NIPA1: variants seen among roughly 807,000 people sequenced by gnomAD.
NIPA1 encodes magnesium transporter NIPA1.
A neutral mutation model predicts 23.9 loss-of-function variants in NIPA1; 13 were observed. The ratio of observed to expected loss-of-function variants is 0.54; its 90% CI spans 0.35 to 0.87. NIPA1 has a LOEUF of 0.87. NIPA1 is among the 40% of genes least tolerant of loss of function. The pLI, the probability that NIPA1 is intolerant of heterozygous loss-of-function variation, is 0.01. For missense variants in NIPA1, 362 were observed against 429.7 expected (o/e 0.84, Z 1.39); for synonymous variants, 234 against 202.9 (o/e 1.15, Z -1.30).
intron 4 of NIPA1, among the ~76,000 whole-genome samples, chr15:22,821,041 G>T (rs1165492478): frequency 6.0e-5 from 9 of 150,668 alleles, no homozygotes; most frequent in Non-Finnish European, 8.9e-5. Context: ...GCAGTGGCGC[G>T]ATCTCAGCTC....
intron 1 of NIPA1, among the ~76,000 whole-genome samples, chr15:22,787,834 G>C (rs1037205363): frequency 2.0e-5 from 3 of 152,196 alleles, no homozygotes; most frequent in Non-Finnish European, 4.4e-5. Flanking sequence ...CTTTCTCTGA[G>C]TGAGCCAGGC....
chr15:22,789,952 G>A (rs565881749), intron 1 of NIPA1, among the ~76,000 whole-genome samples: 139 of 152,164 alleles, frequency 9.1e-4, no homozygotes, highest in African/African-American at 3.1e-3. Flanking sequence ...ACGCTACCAT[G>A]TCCAGCTAAT....
intron 1 of NIPA1, among the ~76,000 whole-genome samples, chr15:22,788,756 T>TA (rs896507862): frequency 1.9e-4 from 29 of 149,402 alleles, no homozygotes; most frequent in African/African-American, 5.2e-4. Context: ...AGTAGCCTTT[T>TA]AAAAAAAACA....
At position 22,824,023 on chromosome 15, in the gene NIPA1, G is replaced by T. The variant is rs371993191; in HGVS notation, c.774G>T (p.Ser258=). 262 of 1,613,972 alleles carry T rather than the reference G, an allele frequency of 1.6e-4. No individual in the cohort carries two copies. The highest frequency in any genetic ancestry group is 2.0e-4 in the Non-Finnish European group (240 of 1,179,984). The change falls in exon 5 of 5, where the codon TCG becomes TCT. Residue 258 remains serine, a synonymous_variant. Coordinates refer to ENST00000337435, the MANE Select transcript of NIPA1 (RefSeq NM_144599.5). The surrounding 1 kb of genome is among the most constrained non-coding windows in gnomAD (Gnocchi z 4.1). ...INKALECFDS[S]VFGAIYYVVF... ...AGGCGCTGGAGTGCTTCGACTCCTCGGTGTTCGGGGCCATCTACTACGTCG... is the reference window on the plus strand; with the variant it reads ...AGGCGCTGGAGTGCTTCGACTCCTCTGTGTTCGGGGCCATCTACTACGTCG...
chr15:22,817,713 G>C (rs1895455193), intron 3 of NIPA1, among the ~76,000 whole-genome samples: 1 of 152,020 alleles, frequency 6.6e-6, no homozygotes, highest in South Asian at 2.1e-4. Context: ...GCTGAGGCAG[G>C]AGAATGGCGT....
chr15:22,795,259 C>T (rs369630221), intron 1 of NIPA1, among the ~76,000 whole-genome samples: 20 of 152,012 alleles, frequency 1.3e-4, no homozygotes, highest in African/African-American at 4.1e-4. Context: ...GCTTGGTTTC[C>T]TTAATGCTGT....
At chr15:22,821,800 TC>T (rs1222865069) in intron 4 of NIPA1, among the ~76,000 whole-genome samples, 1 of 152,234 alleles carries the variant, frequency 6.6e-6, no homozygotes, top group African/African-American at 2.4e-5. Flanking sequence ...AGCCAGCAGT[TC>T]CCAGCCCTCT....
At chr15:22,804,767 CTGAACTCTATTCCG>C (rs1895168854) in intron 1 of NIPA1, among the ~76,000 whole-genome samples, 1 of 152,116 alleles carries the variant, frequency 6.6e-6, no homozygotes, top group Admixed American at 6.6e-5. Flanking sequence ...GGACCGATTT[CTGAACTCTATTCCG>C]TTGTGTTTGT....
intron 1 of NIPA1, among the ~76,000 whole-genome samples, chr15:22,804,268 G>A (rs778756414): frequency 4.0e-5 from 6 of 151,594 alleles, no homozygotes; most frequent in Non-Finnish European, 5.9e-5. Flanking sequence ...GTGAGCCACC[G>A]CACCCAGCTG....
At chr15:22,803,607 C>T (rs1275050702) in intron 1 of NIPA1, among the ~76,000 whole-genome samples, 1 of 135,452 alleles carries the variant, frequency 7.4e-6, no homozygotes, top group African/African-American at 2.8e-5. Flanking sequence ...CCCCCTGGTT[C>T]AAGTGATTCT....
chr15:22,798,206 C>T (rs1894983104), intron 1 of NIPA1, among the ~76,000 whole-genome samples: 1 of 149,774 alleles, frequency 6.7e-6, no homozygotes, highest in African/African-American at 2.5e-5. Context: ...CACCACCTAT[C>T]AGATGTTCTA....
chr15:22,817,319 G>A (rs1474588090), intron 3 of NIPA1, among the ~76,000 whole-genome samples: 1 of 150,606 alleles, frequency 6.6e-6, no homozygotes, highest in Non-Finnish European at 1.5e-5. Flanking sequence ...GACCAACGTG[G>A]TGAAACCCCG....
At chr15:22,786,590 T>G (rs1894702908), upstream of NIPA1, 105 of 473,964 alleles carry the variant, frequency 2.2e-4, no homozygotes, top group Middle Eastern at 1.1e-3. Flanking sequence ...CGCCTCCCGG[T>G]CACCCCCCAT....
rs1566786330 is a variant in NIPA1 at position 22,816,485 on chromosome 15, C to CTTTTT, written c.318-3828_318-3827insTTTTT. Among the ~76,000 whole-genome samples, 493 of 52,676 alleles carry CTTTTT rather than the reference C, an allele frequency of 9.4e-3. 2 individuals carry two copies. The highest frequency in any genetic ancestry group is 0.021 in the South Asian group (27 of 1,262). The allele number at this position is 52,676 out of a possible 152,430, so 34.6% of individuals were successfully genotyped here. A position where few individuals can be genotyped will look rare whatever the true frequency, so the allele number is the denominator to read the frequency against. ...TACAGGTGTGAGCCACCGCACCCAG[C>CTTTTT]CTTTTTTTTTTTTTTTTTTTTTTTC... On this transcript the variant is annotated intron_variant, in intron 3 of 4. Coordinates refer to ENST00000337435, the MANE Select transcript of NIPA1 (RefSeq NM_144599.5).
Position 22,795,254 on chromosome 15 carries a change from G to T in NIPA1, c.178+8420G>T, listed in dbSNP as rs1894917431. Reference sequence around the variant, plus strand: ...TTGAATGGCTCGCAGCCTGTGCTTGGTTTCCTTAATGCTGTTTCCATCAGA... The same window carrying T: ...TTGAATGGCTCGCAGCCTGTGCTTGTTTTCCTTAATGCTGTTTCCATCAGA... On this transcript the variant is annotated intron_variant, in intron 1 of 4. Transcript: ENST00000337435. Among the ~76,000 whole-genome samples, 9 of 152,034 alleles carry T rather than the reference G, an allele frequency of 5.9e-5. No homozygotes were observed. The South Asian group carries it at 1.9e-3, about 31-fold the overall frequency.
intron 1 of NIPA1, among the ~76,000 whole-genome samples, chr15:22,790,504 C>T (rs1225520896): frequency 2.0e-5 from 3 of 151,336 alleles, no homozygotes; most frequent in African/African-American, 4.9e-5. Flanking sequence ...GCAACTTCCA[C>T]CTCCCGGGTT....
At chr15:22,797,867 C>T (rs1454699397) in intron 1 of NIPA1, among the ~76,000 whole-genome samples, 9 of 138,350 alleles carry the variant, frequency 6.5e-5, no homozygotes, top group African/African-American at 1.9e-4. Flanking sequence ...TTTTTTGAGA[C>T]GGAGTCTTGC....
chr15:22,810,848 A>C, intron 2 of NIPA1, 52 bp downstream of exon 2: 4 of 1,403,236 alleles, frequency 2.9e-6, no homozygotes, highest in East Asian at 2.3e-5. Context: ...AGAATCCATC[A>C]CTGGTCTGGG....
At chr15:22,816,178 A>ATTTTTTTTTTTTTTT (rs71117481) in intron 3 of NIPA1, among the ~76,000 whole-genome samples, 1 of 77,458 alleles carries the variant, frequency 1.3e-5, no homozygotes, top group African/African-American at 5.3e-5. Context: ...AGAAGACCTG[A>ATTTTTTTTTTTTTTT]TTTTTTTTTT....
Sources: gnomAD v4.1 joint callset for allele counts (sites outside exome capture counted in the v4.1 genomes callset) on GRCh38, gnomAD v4.1.1 for gene constraint, Gnocchi (gnomAD v3.1) non-coding constraint, MANE v1.5 for transcripts, NCBI Gene and HGNC (gene_info 2026-07-23, HGNC 2026-07-21) for gene names.